L1CAM: variants seen among roughly 807,000 people sequenced by gnomAD.
L1CAM encodes L1 cell adhesion molecule.
A neutral mutation model predicts 93.0 loss-of-function variants in L1CAM; 8 were observed. The observed-to-expected ratio is 0.09, with a 90% confidence interval of 0.05 to 0.16. L1CAM has a LOEUF of 0.16. Among genes scored for constraint, L1CAM ranks in the 10% least tolerant of loss-of-function variants. The probability of loss-of-function intolerance (pLI) is 1.00; values close to 1 mark genes in which losing one functional copy is unlikely to be tolerated. For missense variants in L1CAM, 777 were observed against 1,073.4 expected, an observed-to-expected ratio of 0.72 and a Z score of 3.86; for synonymous variants, 453 against 453.0, an observed-to-expected ratio of 1.00 and a Z score of 0.00.
chrX:153,885,422 G>T (rs782347962), intron 1 of L1CAM: 1 of 981,560 alleles, frequency 1.0e-6, no homozygotes, highest in South Asian at 2.0e-5. Flanking sequence ...CCCTGGCTCT[G>T]CGGCAGGTTT....
chrX:153,876,274 G>A, intron 1 of L1CAM: 1 of 321,708 alleles, frequency 3.1e-6, no homozygotes. Context: ...ATCCCCGTAT[G>A]TGTCTGCATG....
chrX:153,885,557 C>A, intron 1 of L1CAM: 1 of 367,181 alleles, frequency 2.7e-6, no homozygotes. Flanking sequence ...CCCCCCATTG[C>A]AGGGGCGGCT....
rs201645768 is a variant in L1CAM at position 153,866,768 on chromosome X, G to T, written c.2312C>A (p.Pro771His). ...GPWQEQIVSD[P>H]FLVVSNTSTF... Reference sequence around the variant, plus strand: ...GGACGTGTTGGACACCACCAGGAAGGGGTCGCTGACAATCTGCTCCTGCCA... The same window carrying T: ...GGACGTGTTGGACACCACCAGGAAGTGGTCGCTGACAATCTGCTCCTGCCA... The change falls in exon 19 of 29, where the codon CCC (proline) becomes CAC (histidine). Residue 771 changes from proline (P) to histidine (H), a missense_variant. Physicochemically the swap from Pro to His is moderately conservative, Grantham distance 77. This residue lies in a region of L1CAM where 574 missense variants were observed against 781.0 expected (regional missense o/e 0.73). Coordinates refer to ENST00000370060, the MANE Select transcript of L1CAM (RefSeq NM_001278116.2). 3.3e-6 allele frequency: 4 copies of T among 1,211,301 alleles called. No homozygotes were observed. Among genetic ancestry groups the T allele is most frequent in the Non-Finnish European group, 3.4e-6 (3 of 895,079 alleles).
chrX:153,885,802 G>A (rs1557096829), intron 1 of L1CAM: 1 of 775,464 alleles, frequency 1.3e-6, no homozygotes, highest in South Asian at 3.5e-5. Context: ...CTGTTCTCCC[G>A]CCCAGGCCAG....
chrX:153,886,050 G>A lies in L1CAM; in HGVS notation c.-109+15C>T, dbSNP rs2064879297. 3 of 394,459 alleles carry A rather than the reference G, an allele frequency of 7.6e-6. No homozygotes were observed. The South Asian group carries it at 3.9e-4, about 51-fold the overall frequency. The allele number at this position is 394,459 out of a possible 1,213,427, so 32.5% of individuals were successfully genotyped here. A position where few individuals can be genotyped will look rare whatever the true frequency, so the allele number is the denominator to read the frequency against. On this transcript the variant is annotated intron_variant, in intron 1 of 28. Transcript: ENST00000370060. ...GCCGCGGCCCGGGTCGCACGGGGAG[G>A]CCAGCCCGCCTTACCTGCGCTGCGG...
Position 153,884,109 on chromosome X carries a change from T to C in L1CAM, c.-109+1956A>G, listed in dbSNP as rs1470126859. ...CCTCCCTTTTCCCTTCAGATAATCATCAAGAAAAAAGAAAACAAGTGACAC... is the reference window on the plus strand; with the variant it reads ...CCTCCCTTTTCCCTTCAGATAATCACCAAGAAAAAAGAAAACAAGTGACAC... On this transcript the variant is annotated intron_variant, in intron 1 of 28. Coordinates refer to ENST00000370060, the MANE Select transcript of L1CAM (RefSeq NM_001278116.2). The C allele has an allele frequency of 1.3e-5, 9 of 699,844 alleles. No homozygotes were observed. The Admixed American group carries it at 1.5e-4, about 12-fold the overall frequency. The allele number at this position is 699,844 out of a possible 1,213,427, so 57.7% of individuals were successfully genotyped here.
intron 2 of L1CAM, 54 bp downstream of exon 2, chrX:153,875,707 A>T: frequency 9.6e-7 from 1 of 1,042,331 alleles, no homozygotes; most frequent in South Asian, 1.9e-5. Flanking sequence ...GAAGATAAAG[A>T]GGGGCCCAAC....
intron 14 of L1CAM, 30 bp from the exon 15 acceptor site, chrX:153,868,152 C>A (rs1557091714): frequency 4.1e-6 from 5 of 1,207,635 alleles, no homozygotes. Context: ...GTCTTTCCTG[C>A]CATCTGGGCT....
intron 5 of L1CAM, among the ~76,000 whole-genome samples, chrX:153,871,870 T>TC (rs1312267875): frequency 3.3e-4 from 3 of 9,148 alleles, no homozygotes; most frequent in East Asian, 0.013. Flanking sequence ...CGCCCCCCCC[T>TC]CCCCCCGCCA....
chrX:153,884,532 G>C (rs1019196575), intron 1 of L1CAM: 2 of 205,487 alleles, frequency 9.7e-6, no homozygotes, highest in Non-Finnish European at 1.8e-5. Flanking sequence ...TTACTTTCGG[G>C]ATCATACACA....
At chrX:153,885,965 C>CCTGG (rs1379242575) in intron 1 of L1CAM, 100 bp downstream of exon 1, 7 of 597,824 alleles carry the variant, frequency 1.2e-5, no homozygotes, top group Non-Finnish European at 1.1e-5. Flanking sequence ...CCGGACCGGG[C>CCTGG]CGGGACTCCC....
In L1CAM at chrX:153,870,644, G is replaced by A. The variant is rs782111402; in HGVS notation, c.695-145C>T. The A allele has an allele frequency of 2.0e-5, 16 of 786,254 alleles. No homozygotes were observed. The African/African-American group carries it at 2.7e-4, about 13-fold the overall frequency. The allele number at this position is 786,254 out of a possible 1,213,427, so 64.8% of individuals were successfully genotyped here. A position where few individuals can be genotyped will look rare whatever the true frequency, so the allele number is the denominator to read the frequency against. On this transcript the variant is annotated intron_variant, in intron 7 of 28. Coordinates refer to ENST00000370060, the MANE Select transcript of L1CAM (RefSeq NM_001278116.2). ...AGAGTGTCCTGTCTCTGCTCTCGACGCCTGGGAAGGGGTCTGGGCAGGGTA... is the reference window on the plus strand; with the variant it reads ...AGAGTGTCCTGTCTCTGCTCTCGACACCTGGGAAGGGGTCTGGGCAGGGTA...
intron 1 of L1CAM, among the ~76,000 whole-genome samples, chrX:153,883,141 T>A (rs782585148): frequency 7.2e-5 from 8 of 111,696 alleles, no homozygotes; most frequent in South Asian, 7.4e-4. Flanking sequence ...GCTGAGTGGC[T>A]GCTGGACAGG....
In L1CAM at chrX:153,869,669, C is replaced by T; in HGVS notation, c.1124-6G>A. 1.7e-6 allele frequency: 2 copies of T among 1,206,980 alleles called. No individual in the cohort carries two copies. The highest frequency in any genetic ancestry group is 1.7e-5 in the African/African-American group (1 of 57,985). On this transcript the variant is annotated splice_polypyrimidine_tract_variant and splice_region_variant and intron_variant, in intron 10 of 28. Coordinates refer to ENST00000370060, the MANE Select transcript of L1CAM (RefSeq NM_001278116.2). ...CTTCTGGTCTTTGGCCAGCTCTGTGCATGCAGCAGGTGGGCCCATGGGCCA... is the reference window on the plus strand; with the variant it reads ...CTTCTGGTCTTTGGCCAGCTCTGTGTATGCAGCAGGTGGGCCCATGGGCCA...
intron 1 of L1CAM, among the ~76,000 whole-genome samples, chrX:153,877,789 G>A (rs972327339): frequency 3.6e-5 from 4 of 112,407 alleles, no homozygotes; most frequent in African/African-American, 1.3e-4. Flanking sequence ...GTTAGGGTCA[G>A]GACAGGGGTC....
At chrX:153,881,426 C>A (rs1447066222) in intron 1 of L1CAM, among the ~76,000 whole-genome samples, 2 of 111,624 alleles carry the variant, frequency 1.8e-5, no homozygotes, top group Non-Finnish European at 3.8e-5. Context: ...TCCAAGCCAT[C>A]CTGCCCCGTG....
At chrX:153,883,900 G>C (rs1417928333) in intron 1 of L1CAM, 1 of 340,852 alleles carries the variant, frequency 2.9e-6, no homozygotes, top group African/African-American at 2.6e-5. Flanking sequence ...GATCAAGGTA[G>C]GGCACACAGG....
intron 19 of L1CAM, 39 bp from the exon 20 acceptor site, chrX:153,865,858 T>TATC: frequency 5.1e-6 from 5 of 989,151 alleles, no homozygotes; most frequent in Non-Finnish European, 7.2e-6. Flanking sequence ...CCATAGGCTC[T>TATC]CACCCCAGCC....
rs1470436952 is a variant in L1CAM, at chrX:153,878,620, C to T, written c.-108-2676G>A. Reference sequence around the variant, plus strand: ...GATCAGAGAGCAGATGATCAAACAGCAGCCTTGGGAGCTCTGAGCACTGGT... The same window carrying T: ...GATCAGAGAGCAGATGATCAAACAGTAGCCTTGGGAGCTCTGAGCACTGGT... On this transcript the variant is annotated intron_variant, in intron 1 of 28. Transcript: ENST00000370060. 5.3e-5 allele frequency among the ~76,000 whole-genome samples: 6 copies of T among 112,159 alleles called. No individual in the cohort carries two copies. The East Asian group carries it at 1.7e-3, about 31-fold the overall frequency.
Sources: gnomAD v4.1 joint callset for allele counts (sites outside exome capture counted in the v4.1 genomes callset) on GRCh38, gnomAD v4.1.1 for gene constraint, gnomAD v4.1.1 regional missense constraint, MANE v1.5 for transcripts, NCBI Gene and HGNC (gene_info 2026-07-23, HGNC 2026-07-21) for gene names.